Variants in ZFAND4 observed in about 807,000 individuals in gnomAD.
ZFAND4 encodes zinc finger AN1-type containing 4, also known as AN1-type zinc finger protein 4.
In ZFAND4, 43 loss-of-function variants were observed where a neutral mutation model predicts 64.4. The ratio of observed to expected loss-of-function variants is 0.67; its 90% confidence interval spans 0.52 to 0.86. ZFAND4 has a LOEUF of 0.86. Among genes scored for constraint, ZFAND4 ranks in the 40% least tolerant of loss-of-function variants. The pLI is 0.00. For missense variants in ZFAND4, 929 were observed against 859.8 expected, an observed-to-expected ratio of 1.08 and a Z score of -1.01; for synonymous variants, 296 against 305.7, an observed-to-expected ratio of 0.97 and a Z score of 0.33.
intron 6 of ZFAND4, among the ~76,000 whole-genome samples, chr10:45,635,223 A>AAAAAAAAAAAAAAAAAAG (rs2046506612): frequency 7.2e-6 from 1 of 138,014 alleles, no homozygotes; most frequent in Non-Finnish European, 1.6e-5. Flanking sequence ...ACAAAAAAAA[A>AAAAAAAAAAAAAAAAAAG]ACAAACAAAA....
intron 1 of ZFAND4, among the ~76,000 whole-genome samples, chr10:45,671,034 G>C (rs149510691): frequency 0.024 from 3,584 of 152,202 alleles, 138 homozygotes; most frequent in African/African-American, 0.08. Context: ...TGAACAGACA[G>C]TTCTCAAAAG....
chr10:45,617,591 GAAAAAAAAAAA>G (rs11362238), intron 9 of ZFAND4, among the ~76,000 whole-genome samples: 1 of 71,082 alleles, frequency 1.4e-5, no homozygotes, highest in Admixed American at 1.8e-4. Flanking sequence ...TTACAGTACT[GAAAAAAAAAAA>G]AAAAAAAAAA....
chr10:45,648,157 G>A, intron 5 of ZFAND4, 137 bp downstream of exon 5: 1 of 874,724 alleles, frequency 1.1e-6, no homozygotes, highest in Non-Finnish European at 1.6e-6. Flanking sequence ...AAAAACCTCA[G>A]TTTTATCATA....
chr10:45,658,918 C>T (rs1036683428), intron 2 of ZFAND4, among the ~76,000 whole-genome samples: 3 of 152,182 alleles, frequency 2.0e-5, no homozygotes, highest in Non-Finnish European at 2.9e-5. Flanking sequence ...AAACCAACAA[C>T]TTTTCTTTGT....
intron 8 of ZFAND4, among the ~76,000 whole-genome samples, chr10:45,623,379 AAC>A (rs1393849105): frequency 6.6e-6 from 1 of 152,240 alleles, no homozygotes; most frequent in Non-Finnish European, 1.5e-5. Context: ...ACTGTCTATT[AAC>A]AGATGAATGG....
chr10:45,668,454 C>T (rs956172067), intron 1 of ZFAND4, among the ~76,000 whole-genome samples: 4 of 152,214 alleles, frequency 2.6e-5, no homozygotes, highest in Non-Finnish European at 4.4e-5. Flanking sequence ...ACCATTGATG[C>T]TGTGAAGAAA....
intron 2 of ZFAND4, among the ~76,000 whole-genome samples, chr10:45,660,484 T>C (rs2048398451): frequency 6.6e-6 from 1 of 151,916 alleles, no homozygotes; most frequent in African/African-American, 2.4e-5. Flanking sequence ...GAAGAAAAAA[T>C]GAGACAGAAG....
chr10:45,653,924 C>T lies in ZFAND4; in HGVS notation c.185-865G>A, dbSNP rs78983265. ...AAAGAGATGAAATCAATCAAGATGCCCCTGCAACAGTGGACTGGACAAATA... is the reference window on the plus strand; with the variant it reads ...AAAGAGATGAAATCAATCAAGATGCTCCTGCAACAGTGGACTGGACAAATA... On this transcript the variant is annotated intron_variant, in intron 2 of 9. Coordinates refer to ENST00000344646, the MANE Select transcript of ZFAND4 (RefSeq NM_174890.4). 3.8e-3 allele frequency among the ~76,000 whole-genome samples: 571 copies of T among 152,224 alleles called. 13 individuals carry two copies. The East Asian group carries it at 0.051, about 14-fold the overall frequency.
chr10:45,639,742 C>T (rs1402749198), intron 6 of ZFAND4, 74 bp downstream of exon 6: 5 of 1,467,918 alleles, frequency 3.4e-6, no homozygotes, highest in Middle Eastern at 1.8e-4. Flanking sequence ...TTCACAATGA[C>T]CAACAGACCT....
chr10:45,656,501 CAAAAAAAAAAAAA>C (rs541781976), intron 2 of ZFAND4, among the ~76,000 whole-genome samples: 4 of 24,714 alleles, frequency 1.6e-4, no homozygotes, highest in Admixed American at 1.4e-3. Flanking sequence ...GAACCTGTCT[CAAAAAAAAAAAAA>C]AAAAAAAAAA....
At position 45,639,762 on chromosome 10, in the gene ZFAND4, G is replaced by C. The variant is rs1425655892; in HGVS notation, c.717+54C>G. 15 of 1,532,148 alleles carry C rather than the reference G, an allele frequency of 9.8e-6. 1 individual carries two copies. The Admixed American group carries it at 3.3e-4, about 34-fold the overall frequency. The allele number at this position is 1,532,148 out of a possible 1,614,324, so 94.9% of individuals were successfully genotyped here. On this transcript the variant is annotated intron_variant, in intron 6 of 9. Coordinates refer to ENST00000344646, the MANE Select transcript of ZFAND4 (RefSeq NM_174890.4). ...AATGACCAACAGACCTCATTGCTGA[G>C]TGCTCTGCAGGGGTAAGCTAGAGAT...
At chr10:45,670,384 G>A (rs188097040) in intron 1 of ZFAND4, among the ~76,000 whole-genome samples, 128 of 152,082 alleles carry the variant, frequency 8.4e-4, no homozygotes, top group African/African-American at 2.8e-3. Context: ...GTGCCACCAC[G>A]CCCGGCTAAT....
chr10:45,638,495 CAAAAAACA>C (rs763277399), intron 6 of ZFAND4, among the ~76,000 whole-genome samples: 85 of 151,106 alleles, frequency 5.6e-4, no homozygotes, highest in African/African-American at 1.7e-3. Flanking sequence ...AGAAAAAAAA[CAAAAAACA>C]AAAAAACAAA....
At chr10:45,642,299 CATAT>C (rs71023140) in intron 5 of ZFAND4, among the ~76,000 whole-genome samples, 1 of 150,642 alleles carries the variant, frequency 6.6e-6, no homozygotes, top group Non-Finnish European at 1.5e-5. Flanking sequence ...TACATACACA[CATAT>C]ATATATATAT....
intron 1 of ZFAND4, among the ~76,000 whole-genome samples, chr10:45,667,793 C>A (rs1195163289): frequency 6.6e-6 from 1 of 152,078 alleles, no homozygotes; most frequent in Non-Finnish European, 1.5e-5. Context: ...GCCTAATTGC[C>A]CTGCTCTGGA....
chr10:45,618,972 T>C (rs2045208563), intron 8 of ZFAND4, among the ~76,000 whole-genome samples: 1 of 152,202 alleles, frequency 6.6e-6, no homozygotes, highest in African/African-American at 2.4e-5. Flanking sequence ...GAATTCTGTA[T>C]TACTGTATCA....
At chr10:45,661,921 G>A (rs2048499984) in intron 2 of ZFAND4, among the ~76,000 whole-genome samples, 1 of 149,844 alleles carries the variant, frequency 6.7e-6, no homozygotes, top group South Asian at 2.1e-4. Flanking sequence ...TGCGCAACAG[G>A]TGCAAAACTC....
intron 4 of ZFAND4, chr10:45,651,716 A>G: frequency 1.7e-6 from 1 of 571,810 alleles, no homozygotes; most frequent in East Asian, 4.0e-5. Context: ...TCTGTTCCCT[A>G]TACTGGCAAA....
At chr10:45,646,755 T>G (rs1443199240) in intron 5 of ZFAND4, among the ~76,000 whole-genome samples, 1 of 152,132 alleles carries the variant, frequency 6.6e-6, no homozygotes, top group African/African-American at 2.4e-5. Context: ...CAAAAGAGTG[T>G]GTACTAGAGA....
Sources: gnomAD v4.1 joint callset for allele counts (sites outside exome capture counted in the v4.1 genomes callset) on GRCh38, gnomAD v4.1.1 for gene constraint, MANE v1.5 for transcripts, NCBI Gene and HGNC (gene_info 2026-07-23, HGNC 2026-07-21) for gene names.